The following EPHB1 variants were observed in gnomAD, a reference collection of about 807,000 sequenced individuals.
EPHB1 encodes the protein EPH receptor B1, also known as ephrin type-B receptor 1.
EPHB1 carries 30 observed loss-of-function variants against 94.4 expected under a neutral mutation model. The observed-to-expected ratio is 0.32, with a 90% CI of 0.24 to 0.43. The LOEUF (loss-of-function observed/expected upper bound fraction) is 0.43. EPHB1 is among the 20% of genes least tolerant of loss of function. The pLI is 1.00. For missense variants in EPHB1, 1,055 were observed against 1,308.3 expected, an observed-to-expected ratio of 0.81 and a Z score of 2.99; for synonymous variants, 522 against 489.1, an observed-to-expected ratio of 1.07 and a Z score of -0.89.
chr3:135,103,132 T>A (rs1939091634), intron 3 of EPHB1, among the ~76,000 whole-genome samples: 1 of 151,698 alleles, frequency 6.6e-6, no homozygotes, highest in South Asian at 2.1e-4. Context: ...TCCCACAACT[T>A]AAAGTAAAAA....
intron 2 of EPHB1, among the ~76,000 whole-genome samples, chr3:134,936,393 T>C (rs939582405): frequency 5.9e-5 from 9 of 152,098 alleles, no homozygotes; most frequent in Non-Finnish European, 1.3e-4. Flanking sequence ...AGGTGGTCCC[T>C]GTGTATGTCC....
At chr3:135,175,884 G>T (rs1384582646) in intron 9 of EPHB1, among the ~76,000 whole-genome samples, 1 of 152,100 alleles carries the variant, frequency 6.6e-6, no homozygotes, top group East Asian at 1.9e-4. Flanking sequence ...TGAATTCCTT[G>T]TTCACTGTCT....
chr3:134,914,306 C>G (rs1037520203), intron 1 of EPHB1, among the ~76,000 whole-genome samples: 3 of 152,244 alleles, frequency 2.0e-5, no homozygotes, highest in African/African-American at 7.2e-5. Context: ...CCAACTACCA[C>G]TTGTCAGAGG....
chr3:135,086,536 T>C (rs1270736540), intron 3 of EPHB1, among the ~76,000 whole-genome samples: 1 of 151,676 alleles, frequency 6.6e-6, no homozygotes, highest in Non-Finnish European at 1.5e-5. Flanking sequence ...CATCCTTGAC[T>C]CTTTCCACCA....
At chr3:135,162,678 T>C (rs1465112359) in intron 7 of EPHB1, among the ~76,000 whole-genome samples, 1 of 152,174 alleles carries the variant, frequency 6.6e-6, no homozygotes, top group Non-Finnish European at 1.5e-5. Context: ...CCCCAGTATG[T>C]CCTGCTCGGA....
At chr3:135,083,007 C>T (rs1454859453) in intron 3 of EPHB1, among the ~76,000 whole-genome samples, 2 of 152,110 alleles carry the variant, frequency 1.3e-5, no homozygotes, top group Non-Finnish European at 2.9e-5. Flanking sequence ...CAATTCTGCA[C>T]GTGGATGGGA....
chr3:135,200,716 G>A (rs1484839227), intron 11 of EPHB1, among the ~76,000 whole-genome samples: 1 of 152,056 alleles, frequency 6.6e-6, no homozygotes, highest in Non-Finnish European at 1.5e-5. Flanking sequence ...ACACACACAC[G>A]ATTAAAACTT....
intron 1 of EPHB1, among the ~76,000 whole-genome samples, chr3:134,899,176 G>A (rs940465377): frequency 4.6e-5 from 7 of 152,192 alleles, no homozygotes; most frequent in Admixed American, 3.3e-4. Context: ...ATTCCCAGGA[G>A]TAGTTAGGAA....
intron 2 of EPHB1, among the ~76,000 whole-genome samples, chr3:134,941,754 C>CACACACACAG (rs1553868983): frequency 1.3e-3 from 45 of 33,662 alleles, no homozygotes; most frequent in South Asian, 2.8e-3. Flanking sequence ...TGCACACAGA[C>CACACACACAG]ACACACACAC....
At chr3:134,870,770 T>C (rs1440664083) in intron 1 of EPHB1, among the ~76,000 whole-genome samples, 1 of 152,242 alleles carries the variant, frequency 6.6e-6, no homozygotes, top group African/African-American at 2.4e-5. Flanking sequence ...TTAAACGAAA[T>C]GCGAATCACC....
chr3:134,887,206 C>T (rs940054412), intron 1 of EPHB1, among the ~76,000 whole-genome samples: 15 of 152,160 alleles, frequency 9.9e-5, no homozygotes, highest in African/African-American at 3.1e-4. Context: ...TGGCAGTTGG[C>T]GCTGGCTGTT....
At chr3:135,215,621 T>C (rs1223617091) in intron 12 of EPHB1, among the ~76,000 whole-genome samples, 4 of 152,292 alleles carry the variant, frequency 2.6e-5, no homozygotes, top group Middle Eastern at 3.4e-3. Context: ...AGGATCACCA[T>C]GGGAAAATTC....
At chr3:134,844,966 C>G (rs867742759) in intron 1 of EPHB1, among the ~76,000 whole-genome samples, 1 of 152,178 alleles carries the variant, frequency 6.6e-6, no homozygotes, top group South Asian at 2.1e-4. Flanking sequence ...AAGAGTTCCA[C>G]CTGAATCCAC....
chr3:135,248,427 CGG>C lies in EPHB1; in HGVS notation c.2609_2610del (p.Arg870LeufsTer10). The C allele has an allele frequency of 6.2e-7, 1 of 1,613,890 alleles. No individual in the cohort carries two copies. On this transcript the variant is annotated frameshift_variant, in exon 14 of 16. Transcript: ENST00000398015. LOFTEE classifies it high-confidence loss of function. Reference protein sequence around the residue: ...CWQKDRNSRPRFAEIVNTLDK... With the variant: ...CWQKDRNSRPXFAEIVNTLDK... ...GCAGAAGGACCGGAACAGCCGGCCC[CGG>C]TTTGCGGAGATTGTCAACACCCTAG...
At chr3:135,086,160 G>A (rs751357255) in intron 3 of EPHB1, among the ~76,000 whole-genome samples, 1 of 152,116 alleles carries the variant, frequency 6.6e-6, no homozygotes, top group Non-Finnish European at 1.5e-5. Flanking sequence ...GGTGGTAGGA[G>A]GGCATCCATG....
intron 3 of EPHB1, among the ~76,000 whole-genome samples, chr3:134,983,420 T>C (rs1934482813): frequency 6.6e-6 from 1 of 152,282 alleles, no homozygotes; most frequent in Non-Finnish European, 1.5e-5. Flanking sequence ...TATTCACCTC[T>C]TCAGTTCTCA....
chr3:134,814,812 G>A (rs537732479), intron 1 of EPHB1, among the ~76,000 whole-genome samples: 69 of 152,310 alleles, frequency 4.5e-4, no homozygotes, highest in African/African-American at 1.5e-3. Flanking sequence ...TGCATCTTGT[G>A]GTGGTCTGGA....
Position 134,887,287 on chromosome 3 carries a change from G to T in EPHB1, c.59-38529G>T, listed in dbSNP as rs140797342. ...ACTCCACTGGACTTCTTCATAGCAT[G>T]ATGAGCTCAGGGTCCAAGAAGACAA... On this transcript the variant is annotated intron_variant, in intron 1 of 15. Coordinates refer to ENST00000398015, the MANE Select transcript of EPHB1 (RefSeq NM_004441.5). 5.6e-4 allele frequency among the ~76,000 whole-genome samples: 86 copies of T among 152,290 alleles called. No homozygotes were observed. The South Asian group carries it at 8.7e-3, about 15-fold the overall frequency.
At chr3:135,217,093 C>T (rs1192729520) in intron 12 of EPHB1, among the ~76,000 whole-genome samples, 1 of 152,108 alleles carries the variant, frequency 6.6e-6, no homozygotes, top group African/African-American at 2.4e-5. Context: ...GCCTTAGGGG[C>T]CATTCCCTTC....
Sources: allele counts gnomAD v4.1 joint callset (sites outside exome capture counted in the v4.1 genomes callset), GRCh38; gene constraint gnomAD v4.1.1; transcripts MANE v1.5; gene names NCBI Gene and HGNC (gene_info 2026-07-23, HGNC 2026-07-21).